Variants in SLC16A9 observed in about 807,000 individuals in gnomAD.
SLC16A9 encodes the protein solute carrier family 16 member 9.
A neutral mutation model predicts 44.3 loss-of-function variants in SLC16A9; 26 were observed. The ratio of observed to expected loss-of-function variants is 0.59; its 90% CI spans 0.43 to 0.81. The LOEUF (loss-of-function observed/expected upper bound fraction) is 0.81, where lower values mean the gene tolerates loss of function less well. Among genes scored for constraint, SLC16A9 ranks in the 40% least tolerant of loss-of-function variants. The pLI is 0.00. For synonymous variants in SLC16A9, 230 were observed against 225.1 expected (o/e 1.02, Z -0.19); for missense variants, 559 against 595.8 (o/e 0.94, Z 0.64).
chr10:59,660,195 A>T (rs1420181426), intron 4 of SLC16A9, among the ~76,000 whole-genome samples: 1 of 152,222 alleles, frequency 6.6e-6, no homozygotes, highest in African/African-American at 2.4e-5. Context: ...TCCTTCAAAA[A>T]AATGAATGAA....
At chr10:59,696,156 C>T (rs61670556) in intron 1 of SLC16A9, among the ~76,000 whole-genome samples, 1 of 152,120 alleles carries the variant, frequency 6.6e-6, no homozygotes, top group African/African-American at 2.4e-5. Context: ...GATGCCCAGC[C>T]GAAGCTGGAC....
chr10:59,667,995 C>A (rs2132438834), intron 3 of SLC16A9, among the ~76,000 whole-genome samples: 1 of 152,184 alleles, frequency 6.6e-6, no homozygotes, highest in Non-Finnish European at 1.5e-5. Flanking sequence ...AGACATCAAG[C>A]TCTTTATCAC....
intron 1 of SLC16A9, among the ~76,000 whole-genome samples, chr10:59,703,984 G>A (rs1840584196): frequency 1.3e-5 from 2 of 152,162 alleles, no homozygotes; most frequent in African/African-American, 4.8e-5. Context: ...TGCCTCCAAA[G>A]TGCTGGGATG....
intron 2 of SLC16A9, among the ~76,000 whole-genome samples, chr10:59,679,856 G>C (rs913584330): frequency 2.6e-5 from 4 of 152,116 alleles, no homozygotes; most frequent in Admixed American, 6.5e-5. Context: ...CCCTCTCCCT[G>C]TCTATCTGCC....
intron 1 of SLC16A9, among the ~76,000 whole-genome samples, chr10:59,700,125 G>T (rs1840490757): frequency 2.0e-5 from 3 of 152,134 alleles, no homozygotes; most frequent in Admixed American, 6.5e-5. Flanking sequence ...AAAGCCCCCA[G>T]GTTAGTGACA....
chr10:59,682,754 A>G (rs1050465120), intron 2 of SLC16A9, among the ~76,000 whole-genome samples: 1 of 152,228 alleles, frequency 6.6e-6, no homozygotes, highest in Non-Finnish European at 1.5e-5. Flanking sequence ...AAATCACATT[A>G]TTAACATATC....
chr10:59,694,322 C>T (rs1181818710), intron 1 of SLC16A9, among the ~76,000 whole-genome samples: 1 of 152,064 alleles, frequency 6.6e-6, no homozygotes, highest in African/African-American at 2.4e-5. Context: ...TGGGATTAAG[C>T]TACTTTCATG....
intron 4 of SLC16A9, among the ~76,000 whole-genome samples, chr10:59,656,524 T>C (rs1839352369): frequency 6.6e-6 from 1 of 152,232 alleles, no homozygotes; most frequent in Non-Finnish European, 1.5e-5. Flanking sequence ...AAATTACACA[T>C]TGGAGGCTAG....
At chr10:59,688,387 T>C (rs1250284322) in intron 1 of SLC16A9, among the ~76,000 whole-genome samples, 1 of 152,202 alleles carries the variant, frequency 6.6e-6, no homozygotes, top group East Asian at 1.9e-4. Flanking sequence ...CATAAGTCTT[T>C]ACACAAATTA....
intron 2 of SLC16A9, among the ~76,000 whole-genome samples, chr10:59,674,114 G>C (rs536864660): frequency 6.6e-6 from 1 of 152,118 alleles, no homozygotes; most frequent in East Asian, 1.9e-4. Context: ...TTATATGAGT[G>C]TATTCAGTTC....
intron 1 of SLC16A9, among the ~76,000 whole-genome samples, chr10:59,689,766 A>T (rs1463395731): frequency 6.6e-6 from 1 of 152,190 alleles, no homozygotes. Context: ...GATTATTTTA[A>T]CCATCCATAC....
chr10:59,661,183 G>A (rs1198240933), intron 4 of SLC16A9, among the ~76,000 whole-genome samples: 1 of 152,180 alleles, frequency 6.6e-6, no homozygotes, highest in African/African-American at 2.4e-5. Context: ...GAAATAAAGT[G>A]TATTCAAATA....
At chr10:59,663,596 C>CG (rs1839534133) in intron 4 of SLC16A9, among the ~76,000 whole-genome samples, 1 of 135,366 alleles carries the variant, frequency 7.4e-6, no homozygotes, top group East Asian at 2.2e-4. Context: ...CATCACACAC[C>CG]AGGGCCTGTT....
At position 59,654,528 on chromosome 10, in the gene SLC16A9, T is replaced by G. The variant is rs1479603778; in HGVS notation, c.498A>C (p.Gly166=). The change falls in exon 5 of 6, where the codon GGA becomes GGC. Residue 166 remains glycine, a synonymous_variant. Transcript: ENST00000395348. ...ALQRMLVEFY[G]LDGCLLIVGA... The stretch of plus-strand genomic sequence containing the variant: ...CCACAATCAGCAAGCATCCATCCAG[T>G]CCATAGAACTCAACCAGCATCCTCT... The G allele has an allele frequency of 3.1e-6, 5 of 1,608,036 alleles. No individual in the cohort carries two copies. In the East Asian group the frequency reaches 6.7e-5, roughly 21 times the overall value.
At position 59,654,072 on chromosome 10, in the gene SLC16A9, G is replaced by A. The variant is rs371341354; in HGVS notation, c.954C>T (p.Ile318=). ...TAAGTAATGAAGGTGGAAACCCTCCGATGTCAAAGAGTAAGATAGCAATGA... is the reference window on the plus strand; with the variant it reads ...TAAGTAATGAAGGTGGAAACCCTCCAATGTCAAAGAGTAAGATAGCAATGA... The part of the protein sequence containing the change: ...ALFIAILLFD[I]GGFPPSLLME... The change falls in exon 5 of 6, where the codon ATC becomes ATT. Residue 318 remains isoleucine (I), a synonymous_variant. Coordinates refer to ENST00000395348, the MANE Select transcript of SLC16A9 (RefSeq NM_194298.3). 3.4e-5 allele frequency: 55 copies of A among 1,613,914 alleles called. No homozygotes were observed. In the East Asian group the frequency reaches 3.6e-4, roughly 10 times the overall value.
chr10:59,698,405 C>CT (rs1840448596), intron 1 of SLC16A9, among the ~76,000 whole-genome samples: 1 of 152,200 alleles, frequency 6.6e-6, no homozygotes, highest in Non-Finnish European at 1.5e-5. Context: ...TAACCCCACA[C>CT]TTTAACGTGG....
intron 1 of SLC16A9, among the ~76,000 whole-genome samples, chr10:59,696,079 C>T (rs1840364213): frequency 1.3e-5 from 2 of 151,926 alleles, no homozygotes; most frequent in Non-Finnish European, 2.9e-5. Context: ...CTCCCCTCTC[C>T]CCTCTCCCCT....
intron 5 of SLC16A9, among the ~76,000 whole-genome samples, chr10:59,653,175 T>C (rs889656280): frequency 4.5e-4 from 69 of 151,762 alleles, no homozygotes; most frequent in Admixed American, 3.7e-3. Context: ...AACCCAGCAC[T>C]TTGGGAGGCC....
intron 5 of SLC16A9, among the ~76,000 whole-genome samples, chr10:59,653,424 T>TAAAAAAAAAA (rs1564693193): frequency 2.6e-3 from 2 of 776 alleles, no homozygotes; most frequent in Non-Finnish European, 0.029. Context: ...AAACTCCGTC[T>TAAAAAAAAAA]CAAAAAAAAA....
Sources: gnomAD v4.1 joint callset for allele counts (sites outside exome capture counted in the v4.1 genomes callset) on GRCh38, gnomAD v4.1.1 for gene constraint, MANE v1.5 for transcripts, NCBI Gene and HGNC (gene_info 2026-07-23, HGNC 2026-07-21) for gene names.